AATF: variants seen among roughly 807,000 people sequenced by gnomAD.
AATF encodes the protein apoptosis antagonizing transcription factor.
AATF carries 48 observed loss-of-function variants against 63.7 expected under a neutral mutation model. The ratio of observed to expected loss-of-function variants is 0.75; its 90% CI spans 0.60 to 0.96. The LOEUF is 0.96. AATF is among the 40% of genes least tolerant of loss of function. The pLI, the probability that AATF is intolerant of heterozygous loss-of-function variation, is 0.00. For missense variants in AATF, 639 were observed against 685.7 expected (o/e 0.93, Z 0.76); for synonymous variants, 258 against 247.7 (o/e 1.04, Z -0.39).
rs773538745 is a variant in AATF at position 37,031,657 on chromosome 17, G to A, written c.1591G>A (p.Asp531Asn). The A allele has an allele frequency of 1.2e-6, 2 of 1,613,980 alleles. No individual in the cohort carries two copies. Among genetic ancestry groups the A allele is most frequent in the African/African-American group, 1.3e-5 (1 of 74,890 alleles). The stretch of plus-strand genomic sequence containing the variant: ...GCTACTGAGTTTCATGGCACCTATT[G>A]ACCATACTACAATGAATGATGATGC... ...SKLLSFMAPI[D>N]HTTMNDDART... Residue 531 changes from aspartate to asparagine, a missense_variant, in exon 11 of 12, where the codon GAC (aspartate) becomes AAC (asparagine). Asp to Asn is a conservative substitution (Grantham distance 23). Coordinates refer to ENST00000619387, the MANE Select transcript of AATF (RefSeq NM_012138.4).
chr17:37,037,793 T>C (rs1445272759), intron 11 of AATF, among the ~76,000 whole-genome samples: 1 of 152,116 alleles, frequency 6.6e-6, no homozygotes, highest in African/African-American at 2.4e-5. Context: ...TGGGAGGTGA[T>C]TGGATCATGG....
chr17:36,992,614 ATTTT>A (rs5820200), intron 8 of AATF, among the ~76,000 whole-genome samples: 4 of 138,188 alleles, frequency 2.9e-5, no homozygotes, highest in Admixed American at 7.3e-5. Context: ...CTTAGTCTGA[ATTTT>A]TTTTTTTTTT....
chr17:36,959,594 G>C (rs2070930164), intron 4 of AATF, among the ~76,000 whole-genome samples: 1 of 152,108 alleles, frequency 6.6e-6, no homozygotes, highest in African/African-American at 2.4e-5. Flanking sequence ...GTCTTTTTCA[G>C]AGTTTGCTCT....
At chr17:37,022,114 G>A (rs1230103119) in intron 10 of AATF, among the ~76,000 whole-genome samples, 3 of 11,822 alleles carry the variant, frequency 2.5e-4, no homozygotes, top group East Asian at 6.5e-3. Flanking sequence ...GGTAACTGCC[G>A]TGTGTGTGTG....
At chr17:37,044,929 T>C (rs948809291) in intron 11 of AATF, among the ~76,000 whole-genome samples, 2 of 152,214 alleles carry the variant, frequency 1.3e-5, no homozygotes, top group Non-Finnish European at 2.9e-5. Context: ...TGTAGTGATT[T>C]ATAGCTTTCG....
chr17:37,053,791 G>A (rs188723780), intron 11 of AATF, among the ~76,000 whole-genome samples: 1 of 152,214 alleles, frequency 6.6e-6, no homozygotes, highest in African/African-American at 2.4e-5. Context: ...GATTGAACCC[G>A]GGAGGCGGAG....
chr17:36,963,583 T>A (rs114253256), intron 4 of AATF, among the ~76,000 whole-genome samples: 2,019 of 152,342 alleles, frequency 0.013, 32 homozygotes, highest in Admixed American at 0.035. Context: ...AACCTGTTCT[T>A]AAATTGTTTT....
At chr17:36,999,191 AG>A (rs1389440133) in intron 8 of AATF, 2 of 152,216 alleles carry the variant, frequency 1.3e-5, no homozygotes, top group African/African-American at 4.8e-5. Context: ...GGTGATAGGT[AG>A]AAGAGGGTTC....
At chr17:37,016,650 T>G (rs1406910712) in intron 8 of AATF, among the ~76,000 whole-genome samples, 1 of 152,084 alleles carries the variant, frequency 6.6e-6, no homozygotes, top group African/African-American at 2.4e-5. Flanking sequence ...TTTGTAAAGT[T>G]AAAGCTATAC....
Position 36,953,175 on chromosome 17 carries a change from C to G in AATF, c.573C>G (p.Gly191=). 1 of 1,613,890 alleles carries G rather than the reference C, an allele frequency of 6.2e-7. No homozygotes were observed. The highest frequency in any genetic ancestry group is 8.5e-7 in the Non-Finnish European group (1 of 1,179,984). Residue 191 remains glycine, a synonymous_variant, in exon 3 of 12, where the codon GGC becomes GGG. Transcript: ENST00000619387. ...GGGATGACGCGGAAGACTCCCAAGG[C>G]GAGAGTGAGGAAGACAGGGCTGGAG... ...EEGDDAEDSQ[G]ESEEDRAGDR...
chr17:36,975,678 C>CT (rs1227683621), intron 4 of AATF, among the ~76,000 whole-genome samples: 2 of 152,164 alleles, frequency 1.3e-5, no homozygotes, highest in Non-Finnish European at 2.9e-5. Flanking sequence ...GGGTTAGTTT[C>CT]TAGAAGAACA....
intron 11 of AATF, among the ~76,000 whole-genome samples, chr17:37,044,668 G>A (rs1030365692): frequency 2.6e-5 from 4 of 152,110 alleles, no homozygotes; most frequent in African/African-American, 9.7e-5. Flanking sequence ...GTCACCTATC[G>A]AATTCTTGCG....
chr17:36,958,998 T>G (rs8075638), intron 4 of AATF, among the ~76,000 whole-genome samples: 5,780 of 151,458 alleles, frequency 0.038, 368 homozygotes, highest in African/African-American at 0.13. Context: ...TACAAAAAAT[T>G]AGCTGGGTGT....
intron 4 of AATF, among the ~76,000 whole-genome samples, chr17:36,955,875 G>A (rs1426930430): frequency 6.6e-6 from 1 of 152,052 alleles, no homozygotes; most frequent in Non-Finnish European, 1.5e-5. Context: ...TGATCTTCCC[G>A]CCTCAGCCTC....
At chr17:36,999,689 C>T (rs2071279691) in intron 8 of AATF, among the ~76,000 whole-genome samples, 1 of 151,330 alleles carries the variant, frequency 6.6e-6, no homozygotes, top group Non-Finnish European at 1.5e-5. Context: ...AAAGCAAGCC[C>T]TAGGATAGGG....
rs1330938139 is a variant in AATF at position 36,988,667 on chromosome 17, A to G, written c.1096A>G (p.Thr366Ala). The G allele has an allele frequency of 7.4e-6, 12 of 1,614,002 alleles. No individual in the cohort carries two copies. The highest frequency in any genetic ancestry group is 1.3e-5 in the African/African-American group (1 of 74,928). The change falls in exon 6 of 12, where the codon ACA becomes GCA. Residue 366 changes from threonine to alanine, a missense_variant. By Grantham distance (58) the Thr-to-Ala change is moderately conservative. Coordinates refer to ENST00000619387, the MANE Select transcript of AATF (RefSeq NM_012138.4). Reference protein sequence around the residue: ...FADFTVYRNRTLQKWHDKTKL... With the variant: ...FADFTVYRNRALQKWHDKTKL... Reference sequence around the variant, plus strand: ...CGACTTTACAGTCTACAGGAACCGCACACTTCAGAAATGGCACGATAAGAC... The same window carrying G: ...CGACTTTACAGTCTACAGGAACCGCGCACTTCAGAAATGGCACGATAAGAC...
chr17:36,957,313 C>T (rs2070909904), intron 4 of AATF, among the ~76,000 whole-genome samples: 1 of 152,174 alleles, frequency 6.6e-6, no homozygotes, highest in Non-Finnish European at 1.5e-5. Context: ...CAGTGTCTGG[C>T]ACACATCTCA....
chr17:37,002,761 A>C (rs2071310649), intron 8 of AATF, among the ~76,000 whole-genome samples: 1 of 152,108 alleles, frequency 6.6e-6, no homozygotes, highest in Non-Finnish European at 1.5e-5. Flanking sequence ...CATTATAAAT[A>C]TTGCTGAAAG....
chr17:36,995,411 TA>T (rs2071247269), intron 8 of AATF, among the ~76,000 whole-genome samples: 1 of 152,212 alleles, frequency 6.6e-6, no homozygotes, highest in Admixed American at 6.5e-5. Flanking sequence ...CATGACAGTT[TA>T]ATTAAATTGG....
Sources: allele counts gnomAD v4.1 joint callset (sites outside exome capture counted in the v4.1 genomes callset), GRCh38; gene constraint gnomAD v4.1.1; transcripts MANE v1.5; gene names NCBI Gene and HGNC (gene_info 2026-07-23, HGNC 2026-07-21).